Variants in PLXNC1 observed in about 807,000 individuals in gnomAD.
The protein encoded by PLXNC1 is plexin C1, also known as plexin-C1.
PLXNC1 carries 75 observed loss-of-function variants against 178.2 expected under a neutral mutation model. The observed-to-expected ratio is 0.42, with a 90% CI of 0.35 to 0.51. The LOEUF is 0.51. Among genes scored for constraint, PLXNC1 ranks in the 20% least tolerant of loss-of-function variants. The pLI is 0.02. For synonymous variants in PLXNC1, 790 were observed against 779.9 expected (o/e 1.01, Z -0.22); for missense variants, 1,503 against 1,984.4 (o/e 0.76, Z 4.61).
chr12:94,235,335 A>C (rs1964211220), intron 9 of PLXNC1, among the ~76,000 whole-genome samples: 1 of 152,236 alleles, frequency 6.6e-6, no homozygotes, highest in Admixed American at 6.5e-5. Context: ...TTCCTTAAAA[A>C]ATCTTTTTTA....
chr12:94,152,224 T>C lies in PLXNC1; in HGVS notation c.1062+2191T>C, dbSNP rs148706893. Among the ~76,000 whole-genome samples the C allele has an allele frequency of 1.4e-3, 213 of 152,306 alleles. 1 individual carries two copies. The highest frequency in any genetic ancestry group is 5.0e-3 in the African/African-American group (206 of 41,558). On this transcript the variant is annotated intron_variant, in intron 1 of 30. Coordinates refer to ENST00000258526, the MANE Select transcript of PLXNC1 (RefSeq NM_005761.3). Reference sequence around the variant, plus strand: ...ATTTAAGTAAATTCCTTGCTGCTAGTATGCATTGAAAAGCCTTAATGGAAT... The same window carrying C: ...ATTTAAGTAAATTCCTTGCTGCTAGCATGCATTGAAAAGCCTTAATGGAAT...
rs1969017563 is a variant in PLXNC1, at chr12:94,306,371, GTA to G, written c.*1088_*1089del. 1 of 152,112 alleles carries G rather than the reference GTA, an allele frequency of 6.6e-6. No individual in the cohort carries two copies. The highest frequency in any genetic ancestry group is 2.4e-5 in the African/African-American group (1 of 41,432). The allele number at this position is 152,112 out of a possible 1,614,324, so 9.4% of individuals were successfully genotyped here. The stretch of plus-strand genomic sequence containing the variant: ...TAGTCTTACTATGTACTTTTTGAAA[GTA>G]TTCCTCGCAGGAGAAAGAATTTAAA... On this transcript the variant is annotated 3_prime_UTR_variant, in exon 31 of 31. Coordinates refer to ENST00000258526, the MANE Select transcript of PLXNC1 (RefSeq NM_005761.3).
intron 10 of PLXNC1, among the ~76,000 whole-genome samples, 191 bp from the exon 11 acceptor site, chr12:94,240,290 TAAAG>T (rs1964353125): frequency 6.6e-6 from 1 of 152,210 alleles, no homozygotes; most frequent in Non-Finnish European, 1.5e-5. Flanking sequence ...AAAAATGTAC[TAAAG>T]AAAGAGGAAC....
chr12:94,148,995 G>GCCGCCGCGC lies in PLXNC1; in HGVS notation c.27_35dup (p.Pro13_Pro15dup). The GCCGCCGCGC allele has an allele frequency of 6.9e-7, 1 of 1,448,370 alleles. No homozygotes were observed. Among genetic ancestry groups the GCCGCCGCGC allele is most frequent in the East Asian group, 3.0e-5 (1 of 33,886 alleles). 89.7% of individuals were successfully genotyped at this position (1,448,370 alleles called of 1,614,324 possible). ...CCATGGAGGTCTCCCGGAGGAAGGC[G>GCCGCCGCGC]CCGCCGCGCCCCCCGCGCCCCGCAG... On this transcript the variant is annotated inframe_insertion, in exon 1 of 31. Transcript: ENST00000258526. This position sits in a 1 kb window ranked among gnomAD's most constrained non-coding sequence, Gnocchi z 4.8.
intron 2 of PLXNC1, among the ~76,000 whole-genome samples, chr12:94,175,097 ATGTG>A (rs146825160): frequency 6.6e-6 from 1 of 151,864 alleles, no homozygotes; most frequent in African/African-American, 2.4e-5. Context: ...CTGTGTGTGC[ATGTG>A]TGTGTGTGTG....
At chr12:94,294,045 C>G (rs918481457) in intron 23 of PLXNC1, among the ~76,000 whole-genome samples, 9 of 152,194 alleles carry the variant, frequency 5.9e-5, no homozygotes, top group African/African-American at 9.7e-5. Flanking sequence ...ACATAGGAAT[C>G]TGGAGGAGAC....
At chr12:94,212,547 T>A (rs1963512665) in intron 5 of PLXNC1, among the ~76,000 whole-genome samples, 1 of 147,110 alleles carries the variant, frequency 6.8e-6, no homozygotes, top group African/African-American at 2.5e-5. Flanking sequence ...CATTGTTCAG[T>A]TCCCACCTGT....
chr12:94,161,199 A>G (rs1008249258), intron 1 of PLXNC1, among the ~76,000 whole-genome samples: 1 of 152,226 alleles, frequency 6.6e-6, no homozygotes, highest in Admixed American at 6.5e-5. Context: ...TCAGAAACCA[A>G]TGACATGAAA....
Position 94,248,293 on chromosome 12 carries a change from G to A in PLXNC1, c.2659G>A (p.Gly887Arg), listed in dbSNP as rs1414464957. 2 of 1,612,930 alleles carry A rather than the reference G, an allele frequency of 1.2e-6. No homozygotes were observed. The highest frequency in any genetic ancestry group is 1.7e-5 in the Admixed American group (1 of 59,956). The change falls in exon 14 of 31, where the codon GGG becomes AGG. Residue 887 changes from glycine (G) to arginine (R), a missense_variant. Gly to Arg is a moderately radical substitution (Grantham distance 125, BLOSUM62 -2). Around this residue, in one of 4 missense-constraint regions of PLXNC1, gnomAD observed 639 missense variants for 979.7 expected, o/e 0.65. Coordinates refer to ENST00000258526, the MANE Select transcript of PLXNC1 (RefSeq NM_005761.3). ...IEITLFHGEN[G>R]QLNCSFENIT... ...AATTACTCTCTTCCATGGGGAAAAT[G>A]GGCAATTAAATTGCAGTTTTGAAAA...
intron 5 of PLXNC1, among the ~76,000 whole-genome samples, chr12:94,216,394 A>C (rs1963647099): frequency 6.6e-6 from 1 of 152,236 alleles, no homozygotes; most frequent in Non-Finnish European, 1.5e-5. Context: ...CCAAAAAGTA[A>C]GTGGGCCAAA....
intron 4 of PLXNC1, among the ~76,000 whole-genome samples, chr12:94,201,215 G>A (rs575536646): frequency 9.2e-5 from 14 of 152,264 alleles, no homozygotes; most frequent in African/African-American, 3.4e-4. Context: ...TAATATTTAG[G>A]AGGAAACAGA....
rs191506542 is a variant in PLXNC1 at position 94,266,801 on chromosome 12, C to T, written c.3597+1576C>T. Reference sequence around the variant, plus strand: ...TCAGTATTATAAAAAGCACTTAGAACATTGCCAGGCATGTGAGTGCTACCT... The same window carrying T: ...TCAGTATTATAAAAAGCACTTAGAATATTGCCAGGCATGTGAGTGCTACCT... On this transcript the variant is annotated intron_variant, in intron 21 of 30. Transcript: ENST00000258526. Among the ~76,000 whole-genome samples, 50 of 152,358 alleles carry T rather than the reference C, an allele frequency of 3.3e-4. 1 individual carries two copies. In the East Asian group the frequency reaches 8.5e-3, roughly 26 times the overall value.
intron 3 of PLXNC1, among the ~76,000 whole-genome samples, chr12:94,182,655 G>A (rs558685797): frequency 1.3e-3 from 192 of 151,364 alleles, no homozygotes; most frequent in African/African-American, 4.5e-3. Flanking sequence ...AAACCAGGAG[G>A]TGGAGTTTGC....
At chr12:94,279,940 A>G in intron 22 of PLXNC1, 1 of 524,674 alleles carries the variant, frequency 1.9e-6, no homozygotes, top group Non-Finnish European at 3.6e-6. Flanking sequence ...CTGAGACTGC[A>G]CGGAATCACC....
intron 26 of PLXNC1, 27 bp downstream of exon 26, chr12:94,297,450 T>C (rs1483401237): frequency 1.4e-6 from 2 of 1,441,880 alleles, no homozygotes; most frequent in Non-Finnish European, 9.7e-7. Flanking sequence ...GGGAGCACTT[T>C]ATGGCTACCT....
At chr12:94,209,336 G>A (rs1157887181) in intron 4 of PLXNC1, among the ~76,000 whole-genome samples, 9 of 152,122 alleles carry the variant, frequency 5.9e-5, no homozygotes, top group African/African-American at 1.7e-4. Context: ...CTCAGGAGTC[G>A]AAGTTCACCA....
In PLXNC1 at chr12:94,305,976, T is replaced by C. The variant is rs1347468775; in HGVS notation, c.*691T>C. 6.6e-6 allele frequency: 1 copy of C among 152,246 alleles called. No homozygotes were observed. The allele number at this position is 152,246 out of a possible 1,614,324, so 9.4% of individuals were successfully genotyped here. On this transcript the variant is annotated 3_prime_UTR_variant, in exon 31 of 31. Transcript: ENST00000258526. ...TAAAGTAAGGAGAGTGGGCTTTATTTAAATGAACAGCATTTTAACCAGATA... is the reference window on the plus strand; with the variant it reads ...TAAAGTAAGGAGAGTGGGCTTTATTCAAATGAACAGCATTTTAACCAGATA...
At chr12:94,240,726 T>C (rs140344408) in intron 11 of PLXNC1, 62 bp downstream of exon 11, 2 of 1,252,866 alleles carry the variant, frequency 1.6e-6, no homozygotes, top group African/African-American at 1.5e-5. Context: ...CCAAAGATCA[T>C]TGATTTTATT....
chr12:94,177,222 TATATATAC>T (rs1316885561), intron 2 of PLXNC1, among the ~76,000 whole-genome samples: 852 of 40,060 alleles, frequency 0.021, 23 homozygotes, highest in African/African-American at 0.1. Flanking sequence ...TGTGTGTGTA[TATATATAC>T]ATATATATAT....
Sources: allele counts gnomAD v4.1 joint callset (sites outside exome capture counted in the v4.1 genomes callset), GRCh38; gene constraint gnomAD v4.1.1; regional missense constraint gnomAD v4.1.1; non-coding constraint Gnocchi (gnomAD v3.1); transcripts MANE v1.5; gene names NCBI Gene and HGNC (gene_info 2026-07-23, HGNC 2026-07-21).